Variants in ICA1 observed in about 807,000 individuals in gnomAD.
ICA1 encodes the protein islet cell autoantigen 1, also known as 69 kDa islet cell autoantigen.
In ICA1, 40 loss-of-function variants were observed where a neutral mutation model predicts 71.0. That is an observed-to-expected ratio of 0.56 (90% CI 0.44 to 0.73). The LOEUF (loss-of-function observed/expected upper bound fraction) is 0.73, where lower values mean the gene tolerates loss of function less well. Ranked by LOEUF, ICA1 falls within the 30% of genes least tolerant of loss-of-function variation. The pLI is 0.00. For synonymous variants in ICA1, 207 were observed against 209.5 expected (o/e 0.99, Z 0.10); for missense variants, 578 against 576.5 (o/e 1.00, Z -0.03).
At position 8,158,392 on chromosome 7, in the gene ICA1, T is replaced by C. The variant is rs1802490948; in HGVS notation, c.705+135A>G. 4 of 1,034,792 alleles carry C rather than the reference T, an allele frequency of 3.9e-6. No individual in the cohort carries two copies. In the East Asian group the frequency reaches 7.3e-5, roughly 19 times the overall value. 64.1% of individuals were successfully genotyped at this position (1,034,792 alleles called of 1,614,324 possible). A position where few individuals can be genotyped will look rare whatever the true frequency, so the allele number is the denominator to read the frequency against. On this transcript the variant is annotated intron_variant, in intron 7 of 13. Coordinates refer to ENST00000402384, the MANE Select transcript of ICA1 (RefSeq NM_001136020.3). ...AACGTAGGGCCCTAGAAGGCAGAGA[T>C]GTGGGAAGTGAAATTACGGAAAGGC...
intron 3 of ICA1, among the ~76,000 whole-genome samples, chr7:8,231,572 C>T (rs1032850226): frequency 2.6e-5 from 4 of 152,126 alleles, no homozygotes; most frequent in Non-Finnish European, 4.4e-5. Flanking sequence ...ATTAAGAAAA[C>T]GAGGATATGA....
At chr7:8,122,797 A>G (rs547422347) in intron 13 of ICA1, among the ~76,000 whole-genome samples, 1 of 152,392 alleles carries the variant, frequency 6.6e-6, no homozygotes, top group African/African-American at 2.4e-5. Context: ...AATACCGTGA[A>G]GGAACACAAG....
At chr7:8,179,576 G>C (rs1406483085) in intron 6 of ICA1, among the ~76,000 whole-genome samples, 2 of 152,204 alleles carry the variant, frequency 1.3e-5, no homozygotes, top group African/African-American at 2.4e-5. Flanking sequence ...GTTGCTAAAT[G>C]TGGTGGGATG....
rs76635879 is a variant in ICA1 at position 8,147,106 on chromosome 7, G to A, written c.805-3134C>T. Among the ~76,000 whole-genome samples the A allele has an allele frequency of 6.7e-3, 1,013 of 152,110 alleles. 37 individuals carry two copies. The South Asian group carries it at 0.085, about 13-fold the overall frequency. ...TCAATCAACGCTAGGCAGGGCCAGG[G>A]CATGTCTGCTCTCAGCCGGCCCTGT... On this transcript the variant is annotated intron_variant, in intron 8 of 13. Coordinates refer to ENST00000402384, the MANE Select transcript of ICA1 (RefSeq NM_001136020.3).
intron 6 of ICA1, among the ~76,000 whole-genome samples, chr7:8,209,940 G>A (rs925505564): frequency 6.6e-6 from 1 of 152,172 alleles, no homozygotes; most frequent in African/African-American, 2.4e-5. Context: ...GGGAAGAGAG[G>A]CGGGAGGGAA....
intron 6 of ICA1, among the ~76,000 whole-genome samples, chr7:8,179,828 T>C (rs3807832): frequency 0.04 from 6,049 of 152,164 alleles, 283 homozygotes; most frequent in African/African-American, 0.11. Context: ...TATGAAATGG[T>C]AAAGAACTTA....
chr7:8,234,480 CTTGTGCTGAAACGTGAG>C lies in ICA1; in HGVS notation c.17+1413_17+1429del, dbSNP rs900341486. 6.7e-6 allele frequency among the ~76,000 whole-genome samples: 1 copy of C among 149,744 alleles called. No homozygotes were observed. Among genetic ancestry groups the C allele is most frequent in the African/African-American group, 2.5e-5 (1 of 40,798 alleles). On this transcript the variant is annotated intron_variant, in intron 2 of 13. Coordinates refer to ENST00000402384, the MANE Select transcript of ICA1 (RefSeq NM_001136020.3). This position sits in a 1 kb window ranked among gnomAD's most constrained non-coding sequence, Gnocchi z 4.5. ...CCATCACCACCCAAAATGTGCCAGG[CTTGTGCTGAAACGTGAG>C]TTTGTTTATATGACTATATCAAAAT...
intron 6 of ICA1, among the ~76,000 whole-genome samples, chr7:8,159,404 G>A (rs117253522): frequency 1.4e-3 from 219 of 152,214 alleles, no homozygotes; most frequent in African/African-American, 2.7e-3. Context: ...AACTTGATAC[G>A]GCTGCATTGA....
chr7:8,212,231 T>C (rs1794024956), intron 6 of ICA1, among the ~76,000 whole-genome samples: 1 of 152,120 alleles, frequency 6.6e-6, no homozygotes, highest in Non-Finnish European at 1.5e-5. Flanking sequence ...CCTTCTCCAG[T>C]ATCGACACTT....
chr7:8,214,819 A>T (rs1794896925), intron 6 of ICA1, among the ~76,000 whole-genome samples: 1 of 152,202 alleles, frequency 6.6e-6, no homozygotes, highest in South Asian at 2.1e-4. Flanking sequence ...TTTCTTGGCA[A>T]TCTGAAGACA....
intron 8 of ICA1, among the ~76,000 whole-genome samples, chr7:8,149,277 T>C (rs984612529): frequency 1.3e-5 from 2 of 152,254 alleles, no homozygotes; most frequent in African/African-American, 4.8e-5. Context: ...AAATTGCTCA[T>C]GAAAATTGCT....
chr7:8,155,390 G>T (rs1801134401), intron 8 of ICA1, among the ~76,000 whole-genome samples: 1 of 152,150 alleles, frequency 6.6e-6, no homozygotes, highest in Non-Finnish European at 1.5e-5. Context: ...GATCCTCTCT[G>T]CAGGATAAAC....
chr7:8,159,190 T>A (rs907676885), intron 6 of ICA1, among the ~76,000 whole-genome samples: 7 of 152,184 alleles, frequency 4.6e-5, no homozygotes, highest in African/African-American at 1.7e-4. Context: ...CAGGATCCAA[T>A]CTAAGATCCC....
In ICA1 at chr7:8,123,311, G is replaced by T. The variant is rs1042283777; in HGVS notation, c.1330+4562C>A. Among the ~76,000 whole-genome samples, 1 of 152,154 alleles carries T rather than the reference G, an allele frequency of 6.6e-6. No individual in the cohort carries two copies. The highest frequency in any genetic ancestry group is 2.4e-5 in the African/African-American group (1 of 41,436). ...TGGGGACAGAACGAGGAGAGAGGTG[G>T]AAGAAGAGAGGTACAAAAGCAGGGG... On this transcript the variant is annotated intron_variant, in intron 13 of 13. Transcript: ENST00000402384. The surrounding 1 kb of genome is among the most constrained non-coding windows in gnomAD (Gnocchi z 4.1).
intron 8 of ICA1, among the ~76,000 whole-genome samples, chr7:8,156,386 C>T (rs536062502): frequency 1.3e-5 from 2 of 152,306 alleles, no homozygotes; most frequent in African/African-American, 4.8e-5. Flanking sequence ...CTTGCAAAGA[C>T]ATGACCTGGC....
At chr7:8,259,926 G>A (rs1024239993) in intron 1 of ICA1, among the ~76,000 whole-genome samples, 1 of 152,186 alleles carries the variant, frequency 6.6e-6, no homozygotes, top group African/African-American at 2.4e-5. Context: ...AGTGATCTAT[G>A]TTGCCTCATG....
rs1483130340 is a variant in ICA1 at position 8,123,184 on chromosome 7, T to C, written c.1330+4689A>G. On this transcript the variant is annotated intron_variant, in intron 13 of 13. Transcript: ENST00000402384. This position sits in a 1 kb window ranked among gnomAD's most constrained non-coding sequence, Gnocchi z 4.1. ...TCTCATTTTCAGCACAACTTGATTC[T>C]ACATGCATTCCTTTGTTTTGGACTC... 6.6e-6 allele frequency among the ~76,000 whole-genome samples: 1 copy of C among 152,234 alleles called. No homozygotes were observed. The highest frequency in any genetic ancestry group is 2.4e-5 in the African/African-American group (1 of 41,456).
At chr7:8,245,822 T>C (rs1253226643) in intron 1 of ICA1, among the ~76,000 whole-genome samples, 1 of 152,174 alleles carries the variant, frequency 6.6e-6, no homozygotes, top group Non-Finnish European at 1.5e-5. Flanking sequence ...ACGGGGTTAG[T>C]GGATACCATA....
intron 6 of ICA1, among the ~76,000 whole-genome samples, chr7:8,191,439 C>A (rs1199621557): frequency 1.3e-5 from 2 of 152,174 alleles, no homozygotes; most frequent in East Asian, 1.9e-4. Context: ...ATTGTCAGTA[C>A]AGTGTTCAAT....
Sources: allele counts gnomAD v4.1 joint callset (sites outside exome capture counted in the v4.1 genomes callset), GRCh38; gene constraint gnomAD v4.1.1; non-coding constraint Gnocchi (gnomAD v3.1); transcripts MANE v1.5; gene names NCBI Gene and HGNC (gene_info 2026-07-23, HGNC 2026-07-21).